Variants in LRRTM4 observed in about 807,000 individuals in gnomAD.
LRRTM4 encodes the protein leucine rich repeat transmembrane neuronal 4.
A neutral mutation model predicts 47.6 loss-of-function variants in LRRTM4; 25 were observed. The ratio of observed to expected loss-of-function variants is 0.53; its 90% confidence interval spans 0.38 to 0.73. LRRTM4 has a LOEUF of 0.73. Among genes scored for constraint, LRRTM4 ranks in the 30% least tolerant of loss-of-function variants. The pLI is 0.00. For missense variants in LRRTM4, 638 were observed against 713.4 expected, an observed-to-expected ratio of 0.89 and a Z score of 1.20; for synonymous variants, 311 against 269.5, an observed-to-expected ratio of 1.15 and a Z score of -1.51.
intron 3 of LRRTM4, among the ~76,000 whole-genome samples, chr2:77,516,157 C>T (rs1679200715): frequency 6.6e-6 from 1 of 151,822 alleles, no homozygotes; most frequent in South Asian, 2.1e-4. Flanking sequence ...AGAATTATTA[C>T]AATATTTAAT....
chr2:77,017,777 TCTC>T (rs749377462), intron 3 of LRRTM4, among the ~76,000 whole-genome samples: 27 of 144,976 alleles, frequency 1.9e-4, no homozygotes, highest in Non-Finnish European at 3.1e-4. Context: ...ATGTGAATTG[TCTC>T]CTAACTTTAT....
At chr2:76,885,622 C>T (rs1004502779) in intron 3 of LRRTM4, among the ~76,000 whole-genome samples, 7 of 152,024 alleles carry the variant, frequency 4.6e-5, no homozygotes, top group African/African-American at 1.4e-4. Context: ...ACCGCCACCA[C>T]GTCCGGCTAA....
intron 3 of LRRTM4, among the ~76,000 whole-genome samples, chr2:77,036,998 G>C (rs1678860051): frequency 1.3e-5 from 2 of 151,554 alleles, no homozygotes; most frequent in African/African-American, 4.8e-5. Context: ...TAGCATGCTA[G>C]GGATTCGTCT....
At chr2:76,792,470 A>T (rs1675028765) in intron 3 of LRRTM4, among the ~76,000 whole-genome samples, 1 of 152,172 alleles carries the variant, frequency 6.6e-6, no homozygotes, top group South Asian at 2.1e-4. Context: ...AGATAGAAGG[A>T]TATACATCAA....
intron 3 of LRRTM4, among the ~76,000 whole-genome samples, chr2:77,393,058 A>G (rs1673564905): frequency 6.6e-6 from 1 of 152,012 alleles, no homozygotes; most frequent in Non-Finnish European, 1.5e-5. Context: ...AAAACATTAG[A>G]GCACACTAAA....
Position 76,925,555 on chromosome 2 carries a change from G to A in LRRTM4, c.1552-176639C>T, listed in dbSNP as rs893040372. Reference sequence around the variant, plus strand: ...AAGCAGTATCAGAAAACTAATAGACGTTCTGATGCCCTTATCCACAAACAA... The same window carrying A: ...AAGCAGTATCAGAAAACTAATAGACATTCTGATGCCCTTATCCACAAACAA... On this transcript the variant is annotated intron_variant, in intron 3 of 3. Transcript: ENST00000409884. Among the ~76,000 whole-genome samples, 6 of 152,078 alleles carry A rather than the reference G, an allele frequency of 3.9e-5. No homozygotes were observed. In the South Asian group the frequency reaches 6.2e-4, roughly 16 times the overall value.
intron 3 of LRRTM4, among the ~76,000 whole-genome samples, chr2:77,191,165 A>C (rs999871645): frequency 2.0e-5 from 3 of 152,152 alleles, no homozygotes; most frequent in African/African-American, 7.2e-5. Flanking sequence ...ATGTACACAT[A>C]GGACATATTC....
intron 3 of LRRTM4, among the ~76,000 whole-genome samples, chr2:77,039,015 C>T (rs1678936491): frequency 1.3e-5 from 2 of 151,316 alleles, no homozygotes; most frequent in Non-Finnish European, 1.5e-5. Context: ...CTCTAAAAAC[C>T]CCCTTCAGTT....
chr2:76,892,795 T>C (rs1472462392), intron 3 of LRRTM4, among the ~76,000 whole-genome samples: 1 of 151,736 alleles, frequency 6.6e-6, no homozygotes, highest in African/African-American at 2.4e-5. Context: ...GTATGTATCA[T>C]TTCCCAAACA....
At chr2:77,260,440 G>A (rs1391950209) in intron 3 of LRRTM4, among the ~76,000 whole-genome samples, 4 of 148,938 alleles carry the variant, frequency 2.7e-5, no homozygotes, top group South Asian at 2.2e-4. Context: ...TGCTATCAAC[G>A]AACAGTTGTG....
At chr2:77,081,070 T>G (rs894621468) in intron 3 of LRRTM4, among the ~76,000 whole-genome samples, 15 of 152,282 alleles carry the variant, frequency 9.9e-5, no homozygotes, top group African/African-American at 3.6e-4. Flanking sequence ...ATGTAATTTA[T>G]CACCTTTCTC....
At chr2:76,865,210 T>C (rs751955544) in intron 3 of LRRTM4, among the ~76,000 whole-genome samples, 2 of 152,170 alleles carry the variant, frequency 1.3e-5, no homozygotes, top group African/African-American at 4.8e-5. Context: ...GTGGGCTCCA[T>C]AGGCAGAAAT....
intron 3 of LRRTM4, among the ~76,000 whole-genome samples, chr2:77,403,986 G>A (rs1198302586): frequency 6.6e-6 from 1 of 151,624 alleles, no homozygotes; most frequent in African/African-American, 2.4e-5. Flanking sequence ...AATTTTAAAT[G>A]TCTCATAAAT....
chr2:77,451,064 A>G (rs1676236085), intron 3 of LRRTM4, among the ~76,000 whole-genome samples: 1 of 152,176 alleles, frequency 6.6e-6, no homozygotes, highest in African/African-American at 2.4e-5. Flanking sequence ...ATTCCCTTGG[A>G]GAGTATCATA....
At chr2:77,308,066 C>CTATATAACATA (rs1553425984) in intron 3 of LRRTM4, among the ~76,000 whole-genome samples, 2 of 138,640 alleles carry the variant, frequency 1.4e-5, no homozygotes, top group East Asian at 4.3e-4. Flanking sequence ...ATCTATATAT[C>CTATATAACATA]TATATAACAT....
At chr2:77,030,095 C>A (rs1006880381) in intron 3 of LRRTM4, among the ~76,000 whole-genome samples, 9 of 152,268 alleles carry the variant, frequency 5.9e-5, no homozygotes, top group Middle Eastern at 3.4e-3. Flanking sequence ...AACTTTTACA[C>A]AAGTTCCAAT....
At position 76,841,598 on chromosome 2, in the gene LRRTM4, T is replaced by G. The variant is rs556014041; in HGVS notation, c.1552-92682A>C. 2.0e-5 allele frequency among the ~76,000 whole-genome samples: 3 copies of G among 151,356 alleles called. No individual in the cohort carries two copies. In the South Asian group the frequency reaches 6.3e-4, roughly 32 times the overall value. On this transcript the variant is annotated intron_variant, in intron 3 of 3. Transcript: ENST00000409884. ...AATGCAATATAATTTCACTGGTTATTAGTATTCAAGACCCACAATTCCAGT... is the reference window on the plus strand; with the variant it reads ...AATGCAATATAATTTCACTGGTTATGAGTATTCAAGACCCACAATTCCAGT...
At chr2:77,082,503 C>T (rs1216157006) in intron 3 of LRRTM4, among the ~76,000 whole-genome samples, 2 of 152,048 alleles carry the variant, frequency 1.3e-5, no homozygotes, top group African/African-American at 4.8e-5. Flanking sequence ...AAATTTTCAA[C>T]ATCACTTAAA....
chr2:77,454,822 G>A (rs1389227608), intron 3 of LRRTM4, among the ~76,000 whole-genome samples: 3 of 152,144 alleles, frequency 2.0e-5, no homozygotes, highest in Non-Finnish European at 4.4e-5. Flanking sequence ...ATCAATATGT[G>A]TTGATGAATA....
Sources: allele counts gnomAD v4.1 joint callset (sites outside exome capture counted in the v4.1 genomes callset), GRCh38; gene constraint gnomAD v4.1.1; transcripts MANE v1.5; gene names NCBI Gene and HGNC (gene_info 2026-07-23, HGNC 2026-07-21).